Variants in GRID2 observed in about 807,000 individuals in gnomAD.
The protein encoded by GRID2 is glutamate receptor ionotropic, delta-2.
Under a neutral mutation model 114.8 loss-of-function variants are expected in GRID2, and 33 were observed. The observed-to-expected ratio is 0.29, with a 90% CI of 0.22 to 0.38. The LOEUF (loss-of-function observed/expected upper bound fraction) is 0.38, where lower values mean the gene tolerates loss of function less well. Among genes scored for constraint, GRID2 ranks in the 10% least tolerant of loss-of-function variants. The pLI is 1.00. For synonymous variants in GRID2, 505 were observed against 449.9 expected, an observed-to-expected ratio of 1.12 and a Z score of -1.55; for missense variants, 1,184 against 1,257.7, an observed-to-expected ratio of 0.94 and a Z score of 0.89.
intron 14 of GRID2, among the ~76,000 whole-genome samples, chr4:93,629,149 G>A (rs775056281): frequency 2.6e-5 from 4 of 151,462 alleles, no homozygotes; most frequent in Admixed American, 6.6e-5. Flanking sequence ...ACCAAGTGTT[G>A]CATTTCTTAT....
In GRID2 at chr4:92,837,551, T is replaced by C. The variant is rs146480066; in HGVS notation, c.244+247265T>C. ...TTGAAAAAATATTCAGTGGTTAAAA[T>C]TTTATGTTCTGAATTTCTGTCTAAA... On this transcript the variant is annotated intron_variant, in intron 2 of 15. Coordinates refer to ENST00000282020, the MANE Select transcript of GRID2 (RefSeq NM_001510.4). 2.9e-4 allele frequency among the ~76,000 whole-genome samples: 44 copies of C among 151,810 alleles called. No individual in the cohort carries two copies. The East Asian group carries it at 6.6e-3, about 23-fold the overall frequency.
intron 14 of GRID2, among the ~76,000 whole-genome samples, chr4:93,714,511 G>T (rs1728744802): frequency 6.6e-6 from 1 of 152,166 alleles, no homozygotes; most frequent in Admixed American, 6.5e-5. Flanking sequence ...TTAAGGAATT[G>T]CCACACTGTC....
intron 2 of GRID2, among the ~76,000 whole-genome samples, chr4:93,059,093 G>T (rs970170220): frequency 7.2e-5 from 11 of 152,012 alleles, no homozygotes; most frequent in African/African-American, 2.7e-4. Context: ...ATTTGAGCTT[G>T]CTGAGGGGCA....
At chr4:92,422,613 G>A (rs921558021) in intron 1 of GRID2, among the ~76,000 whole-genome samples, 3 of 151,954 alleles carry the variant, frequency 2.0e-5, no homozygotes, top group African/African-American at 7.3e-5. Context: ...CTGGGTGGGG[G>A]CCACAAGATC....
At chr4:93,451,570 A>G (rs1336311791) in intron 10 of GRID2, among the ~76,000 whole-genome samples, 2 of 152,070 alleles carry the variant, frequency 1.3e-5, no homozygotes, top group African/African-American at 2.4e-5. Context: ...AGAGCCATGC[A>G]AATTCATTGA....
chr4:92,872,257 AAAG>A (rs1342299230), intron 2 of GRID2, among the ~76,000 whole-genome samples: 3 of 152,222 alleles, frequency 2.0e-5, no homozygotes, highest in African/African-American at 7.2e-5. Context: ...ATTTATGAAG[AAAG>A]AATATATGAA....
intron 1 of GRID2, among the ~76,000 whole-genome samples, chr4:92,488,074 T>A (rs548993417): frequency 1.3e-5 from 2 of 152,172 alleles, no homozygotes; most frequent in Non-Finnish European, 1.5e-5. Context: ...AATTCACTGA[T>A]GGAATTTTGA....
intron 2 of GRID2, chr4:92,885,107 A>G: frequency 3.1e-6 from 1 of 318,662 alleles, no homozygotes; most frequent in Non-Finnish European, 6.1e-6. Context: ...AACTGTTAAA[A>G]TTTAAGTAAG....
chr4:93,214,015 A>G (rs995135223), intron 5 of GRID2, among the ~76,000 whole-genome samples: 1 of 152,080 alleles, frequency 6.6e-6, no homozygotes, highest in Non-Finnish European at 1.5e-5. Context: ...ATCATTTGTT[A>G]TTGCAATGTT....
At position 93,282,298 on chromosome 4, in the gene GRID2, C is replaced by T. The variant is rs1255130889; in HGVS notation, c.1245+43808C>T. The T allele has an allele frequency of 8.6e-6, 3 of 347,540 alleles. No homozygotes were observed. In the East Asian group the frequency reaches 2.8e-4, roughly 32 times the overall value. The allele number at this position is 347,540 out of a possible 1,614,324, so 21.5% of individuals were successfully genotyped here. On this transcript the variant is annotated intron_variant, in intron 8 of 15. Coordinates refer to ENST00000282020, the MANE Select transcript of GRID2 (RefSeq NM_001510.4). ...TAGTAAAAACAATTAAAAGTACCTG[C>T]CTTAGTCCATTTTGGGCTGCTATGA...
At chr4:92,822,239 C>A (rs1326780422) in intron 2 of GRID2, 5 of 541,766 alleles carry the variant, frequency 9.2e-6, no homozygotes, top group Non-Finnish European at 1.8e-5. Context: ...CACCACATAG[C>A]ATATCAAGGT....
chr4:93,687,861 G>T (rs577984003), intron 14 of GRID2, among the ~76,000 whole-genome samples: 1 of 151,910 alleles, frequency 6.6e-6, no homozygotes, highest in African/African-American at 2.4e-5. Flanking sequence ...GATTATAAAA[G>T]TATATTATGT....
intron 10 of GRID2, among the ~76,000 whole-genome samples, chr4:93,430,242 G>A (rs142547477): frequency 4.3e-4 from 66 of 152,146 alleles, no homozygotes; most frequent in African/African-American, 1.4e-3. Context: ...GTTCAGTGGC[G>A]CAATCTCGGC....
At chr4:93,314,208 G>A (rs1194087105) in intron 8 of GRID2, among the ~76,000 whole-genome samples, 2 of 150,148 alleles carry the variant, frequency 1.3e-5, no homozygotes, top group African/African-American at 4.9e-5. Context: ...AGGAGGCTGA[G>A]GCAGGATAAT....
chr4:93,006,603 AAAG>A (rs1396077440), intron 2 of GRID2, among the ~76,000 whole-genome samples: 1 of 151,992 alleles, frequency 6.6e-6, no homozygotes, highest in South Asian at 2.1e-4. Context: ...CTGAAAAAAA[AAAG>A]AGAGTCACTA....
chr4:92,910,804 A>T (rs1748320363), intron 2 of GRID2, among the ~76,000 whole-genome samples: 1 of 152,108 alleles, frequency 6.6e-6, no homozygotes, highest in Admixed American at 6.6e-5. Context: ...CACTTATAAT[A>T]CTTAATACAA....
intron 2 of GRID2, among the ~76,000 whole-genome samples, chr4:92,863,750 T>C (rs1451675210): frequency 2.0e-5 from 3 of 152,162 alleles, no homozygotes; most frequent in Admixed American, 6.5e-5. Flanking sequence ...AGTGGAGGTT[T>C]CTAATAGTTT....
chr4:92,966,423 T>C (rs1350174416), intron 2 of GRID2, among the ~76,000 whole-genome samples: 2 of 151,974 alleles, frequency 1.3e-5, no homozygotes, highest in African/African-American at 2.4e-5. Context: ...AATGTTATGC[T>C]CATGATTCAC....
chr4:92,796,646 A>G (rs903969092), intron 2 of GRID2, among the ~76,000 whole-genome samples: 1 of 151,946 alleles, frequency 6.6e-6, no homozygotes, highest in Non-Finnish European at 1.5e-5. Context: ...AAATATGTTC[A>G]GGCAGATATC....
Sources: gnomAD v4.1 joint callset for allele counts (sites outside exome capture counted in the v4.1 genomes callset) on GRCh38, gnomAD v4.1.1 for gene constraint, MANE v1.5 for transcripts, NCBI Gene and HGNC (gene_info 2026-07-23, HGNC 2026-07-21) for gene names.